OSBPL5: variants seen among roughly 807,000 people sequenced by gnomAD.
The protein encoded by OSBPL5 is oxysterol binding protein like 5.
A neutral mutation model predicts 111.2 loss-of-function variants in OSBPL5; 71 were observed. The observed-to-expected ratio is 0.64, with a 90% CI of 0.53 to 0.78. OSBPL5 has a LOEUF of 0.78. Among genes scored for constraint, OSBPL5 ranks in the 30% least tolerant of loss-of-function variants. OSBPL5 has a pLI of 0.00. For missense variants in OSBPL5, 1,210 were observed against 1,189.3 expected, an observed-to-expected ratio of 1.02 and a Z score of -0.26; for synonymous variants, 549 against 513.9, an observed-to-expected ratio of 1.07 and a Z score of -0.93.
At chr11:3,100,082 A>C in intron 14 of OSBPL5, 76 bp downstream of exon 14, 1 of 1,373,570 alleles carries the variant, frequency 7.3e-7, no homozygotes, top group Non-Finnish European at 1.0e-6. Flanking sequence ...TCAAGCAAAT[A>C]ACCAAAGGGT....
At chr11:3,099,157 C>G (rs2134401103) in intron 14 of OSBPL5, among the ~76,000 whole-genome samples, 1 of 152,272 alleles carries the variant, frequency 6.6e-6, no homozygotes, top group African/African-American at 2.4e-5. Context: ...TGAAAACGCT[C>G]CACACCGTAT....
chr11:3,117,530 A>C (rs973681171), intron 7 of OSBPL5, among the ~76,000 whole-genome samples: 1 of 152,246 alleles, frequency 6.6e-6, no homozygotes, highest in Admixed American at 6.5e-5. Flanking sequence ...AATTAGTCCA[A>C]GTATAATAAA....
At chr11:3,119,009 G>GT (rs1858306308) in intron 7 of OSBPL5, among the ~76,000 whole-genome samples, 11 of 107,064 alleles carry the variant, frequency 1.0e-4, no homozygotes, top group Middle Eastern at 5.1e-3. Flanking sequence ...GGTGACAGGT[G>GT]GTTTTTTTTT....
intron 1 of OSBPL5, among the ~76,000 whole-genome samples, chr11:3,131,812 T>TCCAC (rs1845806471): frequency 8.3e-6 from 1 of 120,944 alleles, no homozygotes; most frequent in African/African-American, 3.5e-5. Flanking sequence ...CATTCATCCA[T>TCCAC]CCATCCATCC....
chr11:3,112,003 G>GTGCGCGCATGTGTGTGCATGTGTA (rs1554898175), intron 7 of OSBPL5, among the ~76,000 whole-genome samples: 5 of 142,320 alleles, frequency 3.5e-5, no homozygotes, highest in Non-Finnish European at 3.1e-5. Context: ...GCATGTGTGT[G>GTGCGCGCATGTGTGTGCATGTGTA]TGTGTGCGCG....
intron 1 of OSBPL5, among the ~76,000 whole-genome samples, chr11:3,158,378 G>A (rs1049438944): frequency 2.6e-5 from 4 of 152,248 alleles, no homozygotes; most frequent in Non-Finnish European, 5.9e-5. Context: ...GTGGGAGCAC[G>A]CGCTCCTACA....
rs772479316 is a variant in OSBPL5 at position 3,094,301 on chromosome 11, C to A, written c.1655G>T (p.Gly552Val). 1 of 1,613,590 alleles carries A rather than the reference C, an allele frequency of 6.2e-7. No homozygotes were observed. Among genetic ancestry groups the A allele is most frequent in the Non-Finnish European group, 8.5e-7 (1 of 1,179,952 alleles). ...CGCACACTCGATGGTGACCTTCCCA[C>A]CCAGCTCCAGGGTCATCGTGCCATA... ...ILYGTMTLELGGKVTIECAKN... is the reference protein window; with the variant it reads ...ILYGTMTLELVGKVTIECAKN... The change falls in exon 15 of 22, where the codon GGT (glycine) becomes GTT (valine). Residue 552 changes from glycine to valine, a missense_variant. Transcript: ENST00000263650.
At chr11:3,119,097 T>C (rs557415260) in intron 7 of OSBPL5, among the ~76,000 whole-genome samples, 1 of 151,214 alleles carries the variant, frequency 6.6e-6, no homozygotes, top group East Asian at 2.0e-4. Flanking sequence ...GCAACTTCCA[T>C]CTCCCGGGTT....
chr11:3,093,440 G>A (rs75015961), intron 17 of OSBPL5, 87 bp downstream of exon 17: 1 of 1,544,326 alleles, frequency 6.5e-7, no homozygotes, highest in Non-Finnish European at 8.7e-7. Context: ...CTGGGGCCAT[G>A]CTCACAGCAC....
At chr11:3,144,353 T>G (rs529419806) in intron 1 of OSBPL5, among the ~76,000 whole-genome samples, 1 of 152,320 alleles carries the variant, frequency 6.6e-6, no homozygotes, top group Admixed American at 6.5e-5. Flanking sequence ...GACGGGGAGC[T>G]GGAGTGTGCA....
rs1845879628 is a variant in OSBPL5 at position 3,133,888 on chromosome 11, C to G, written c.-21-4719G>C. 2.0e-5 allele frequency among the ~76,000 whole-genome samples: 3 copies of G among 152,174 alleles called. No individual in the cohort carries two copies. The South Asian group carries it at 6.2e-4, about 32-fold the overall frequency. On this transcript the variant is annotated intron_variant, in intron 1 of 21. Coordinates refer to ENST00000263650, the MANE Select transcript of OSBPL5 (RefSeq NM_020896.4). ...GTTTCTGCCTGGTGGGGCCCCAGCC[C>G]CGAGACCCCAAGGTCCCCTAAGGAG...
rs78088690 is a variant in OSBPL5, at chr11:3,141,027, G to A, written c.-21-11858C>T. ...AAGCCTGGCAGGTAGGACCCTGGGG[G>A]CACCAACTTGGGTGGGGGTCAGCCC... On this transcript the variant is annotated intron_variant, in intron 1 of 21. Transcript: ENST00000263650. The surrounding 1 kb of genome is among the most constrained non-coding windows in gnomAD (Gnocchi z 6.5). Among the ~76,000 whole-genome samples the A allele has an allele frequency of 0.013, 2,010 of 152,274 alleles. 37 individuals carry two copies. Among genetic ancestry groups the A allele is most frequent in the African/African-American group, 0.043 (1,802 of 41,546 alleles).
chr11:3,098,659 C>T (rs1217308669), intron 14 of OSBPL5, among the ~76,000 whole-genome samples: 1 of 151,876 alleles, frequency 6.6e-6, no homozygotes, highest in Admixed American at 6.6e-5. Flanking sequence ...GCATGCATCA[C>T]CATGTCTGGC....
intron 7 of OSBPL5, among the ~76,000 whole-genome samples, chr11:3,118,491 C>T (rs927516657): frequency 6.6e-6 from 1 of 152,056 alleles, no homozygotes; most frequent in Non-Finnish European, 1.5e-5. Context: ...AAACTGTGCT[C>T]GGACCACCTT....
chr11:3,165,212 CT>C lies in OSBPL5; in HGVS notation c.-22+3del, dbSNP rs1273568703. 1.3e-5 allele frequency: 2 copies of C among 150,868 alleles called. No individual in the cohort carries two copies. The highest frequency in any genetic ancestry group is 3.0e-5 in the Non-Finnish European group (2 of 67,552). The allele number at this position is 150,868 out of a possible 1,614,324, so 9.3% of individuals were successfully genotyped here. A position where few individuals can be genotyped will look rare whatever the true frequency, so the allele number is the denominator to read the frequency against. On this transcript the variant is annotated splice_donor_region_variant and intron_variant, in intron 1 of 21. Coordinates refer to ENST00000263650, the MANE Select transcript of OSBPL5 (RefSeq NM_020896.4). The surrounding 1 kb of genome is among the most constrained non-coding windows in gnomAD (Gnocchi z 7.4). ...TGCCGCCCCCCGGGCCGCCGCGCTC[CT>C]ACCTCCTACCGTGCCGCGAGCTCGG...
At position 3,107,592 on chromosome 11, in the gene OSBPL5, C is replaced by A; in HGVS notation, c.867-137G>T. 19 of 1,350,876 alleles carry A rather than the reference C, an allele frequency of 1.4e-5. No homozygotes were observed. The highest frequency in any genetic ancestry group is 2.0e-5 in the Non-Finnish European group (19 of 972,816). The allele number at this position is 1,350,876 out of a possible 1,614,324, so 83.7% of individuals were successfully genotyped here. ...TCACCTCCACAACCCACATTTGACACGATCAGCCCCGTTTTAGAGGAAGGA... is the reference window on the plus strand; with the variant it reads ...TCACCTCCACAACCCACATTTGACAAGATCAGCCCCGTTTTAGAGGAAGGA... On this transcript the variant is annotated intron_variant, in intron 8 of 21. Transcript: ENST00000263650. This position sits in a 1 kb window ranked among gnomAD's most constrained non-coding sequence, Gnocchi z 6.1.
At chr11:3,103,881 T>TCTTCCAGTCTGCGC (rs1564830854) in intron 10 of OSBPL5, among the ~76,000 whole-genome samples, 1 of 49,826 alleles carries the variant, frequency 2.0e-5, no homozygotes, top group Admixed American at 2.6e-4. Flanking sequence ...CCTGCCTCTG[T>TCTTCCAGTCTGCGC]AGCCCCATTC....
intron 1 of OSBPL5, among the ~76,000 whole-genome samples, chr11:3,137,404 C>T (rs10833326): frequency 0.49 from 74,735 of 152,108 alleles, 20,044 homozygotes; most frequent in Non-Finnish European, 0.61. Context: ...CACTGATGGA[C>T]CTTAAAGCCC....
chr11:3,157,312 G>A (rs1846802359), intron 1 of OSBPL5, among the ~76,000 whole-genome samples: 2 of 152,190 alleles, frequency 1.3e-5, no homozygotes, highest in Non-Finnish European at 2.9e-5. Context: ...GGATGGGAAG[G>A]GGCAGATAAG....
Sources: allele counts gnomAD v4.1 joint callset (sites outside exome capture counted in the v4.1 genomes callset), GRCh38; gene constraint gnomAD v4.1.1; non-coding constraint Gnocchi (gnomAD v3.1); transcripts MANE v1.5; gene names NCBI Gene and HGNC (gene_info 2026-07-23, HGNC 2026-07-21).